The following POTEH variants were observed in gnomAD, a reference collection of about 807,000 sequenced individuals.
The protein encoded by POTEH is ANKRD26-like family C member 3.
In POTEH, 6 loss-of-function variants were observed where a neutral mutation model predicts 41.7. That is an observed-to-expected ratio of 0.14 (90% CI 0.08 to 0.28). The LOEUF (loss-of-function observed/expected upper bound fraction) is 0.28, where lower values mean the gene tolerates loss of function less well. Among genes scored for constraint, POTEH ranks in the 10% least tolerant of loss-of-function variants. POTEH has a pLI of 1.00. For synonymous variants in POTEH, 38 were observed against 179.9 expected, an observed-to-expected ratio of 0.21 and a Z score of 6.31; for missense variants, 115 against 533.5, an observed-to-expected ratio of 0.22 and a Z score of 7.73.
Position 15,712,894 on chromosome 22 carries a change from G to T in POTEH, c.1520+1860G>T, listed in dbSNP as rs931145105. ...ATGTATAAGCATGAATGAACAAAAT[G>T]ATAATCAGCTTATGTGATCTAGAAA... On this transcript the variant is annotated intron_variant, in intron 9 of 10. Transcript: ENST00000343518. Among the ~76,000 whole-genome samples the T allele has an allele frequency of 1.3e-5, 2 of 148,304 alleles. 1 individual carries two copies. The highest frequency in any genetic ancestry group is 5.0e-5 in the African/African-American group (2 of 39,858).
chr22:15,718,839 A>ATC (rs1350107863), intron 9 of POTEH, among the ~76,000 whole-genome samples: 2 of 149,732 alleles, frequency 1.3e-5, no homozygotes, highest in African/African-American at 2.5e-5. Context: ...TTTATTTCAC[A>ATC]TCTCTCTCTC....
chr22:15,698,987 GT>G (rs574549883), intron 4 of POTEH, among the ~76,000 whole-genome samples: 222 of 150,266 alleles, frequency 1.5e-3, no homozygotes, highest in African/African-American at 5.3e-3. Context: ...GCTATGTAAT[GT>G]TTTTGGTTAC....
At chr22:15,692,691 G>A (rs1989351222) in intron 1 of POTEH, among the ~76,000 whole-genome samples, 4 of 119,972 alleles carry the variant, frequency 3.3e-5, no homozygotes, top group African/African-American at 6.1e-5. Flanking sequence ...GGAGGTGGAG[G>A]TTGCAGTGAG....
At chr22:15,713,443 C>G (rs2818569) in intron 9 of POTEH, among the ~76,000 whole-genome samples, 4 of 152,172 alleles carry the variant, frequency 2.6e-5, no homozygotes, top group African/African-American at 9.7e-5. Flanking sequence ...TCCTCCTCAT[C>G]TTTCTCCTTT....
In POTEH at chr22:15,712,810, G is replaced by A. The variant is rs1300946353; in HGVS notation, c.1520+1776G>A. Among the ~76,000 whole-genome samples the A allele has an allele frequency of 2.9e-5, 4 of 140,198 alleles. No individual in the cohort carries two copies. In the Admixed American group the frequency reaches 2.9e-4, roughly 10 times the overall value. The allele number at this position is 140,198 out of a possible 152,430, so 92.0% of individuals were successfully genotyped here. A position where few individuals can be genotyped will look rare whatever the true frequency, so the allele number is the denominator to read the frequency against. ...ATGAGTGTCAACTGTCCTAGAATTGGCTGATTTTTATCAAGCAAGAAATAT... is the reference window on the plus strand; with the variant it reads ...ATGAGTGTCAACTGTCCTAGAATTGACTGATTTTTATCAAGCAAGAAATAT... On this transcript the variant is annotated intron_variant, in intron 9 of 10. Coordinates refer to ENST00000343518, the MANE Select transcript of POTEH (RefSeq NM_001136213.1).
intron 6 of POTEH, among the ~76,000 whole-genome samples, chr22:15,703,685 C>T (rs1386295087): frequency 6.7e-6 from 1 of 149,320 alleles, no homozygotes; most frequent in African/African-American, 2.5e-5. Flanking sequence ...ATTGTAGACA[C>T]CTAATACACT....
At chr22:15,697,809 C>T (rs1989463813) in intron 3 of POTEH, among the ~76,000 whole-genome samples, 2 of 149,326 alleles carry the variant, frequency 1.3e-5, no homozygotes, top group Non-Finnish European at 1.5e-5. Context: ...TGTGAGCAGT[C>T]TTTCAATAAG....
At chr22:15,705,474 A>G (rs572525429) in intron 6 of POTEH, among the ~76,000 whole-genome samples, 2 of 152,222 alleles carry the variant, frequency 1.3e-5, no homozygotes, top group African/African-American at 4.8e-5. Flanking sequence ...CATTTTGTAA[A>G]TGTTCATGTT....
At chr22:15,702,430 T>A (rs8137362) in intron 5 of POTEH, among the ~76,000 whole-genome samples, 46 of 108,378 alleles carry the variant, frequency 4.2e-4, no homozygotes, top group African/African-American at 1.2e-3. Flanking sequence ...CACTTTCTAT[T>A]ATGTCAGGTT....
At chr22:15,697,509 ATTTTT>A (rs1298541357) in intron 3 of POTEH, 1 of 120,704 alleles carries the variant, frequency 8.3e-6, no homozygotes, top group Non-Finnish European at 1.4e-5. Context: ...TTTTATTTTT[ATTTTT>A]ATTTTTATTT....
chr22:15,702,264 TA>T (rs1319254112), intron 5 of POTEH, among the ~76,000 whole-genome samples: 1 of 120,280 alleles, frequency 8.3e-6, no homozygotes, highest in Non-Finnish European at 1.7e-5. Flanking sequence ...TCTCAGCATT[TA>T]AAAAATGTGA....
chr22:15,708,513 C>CA (rs1165699401), intron 7 of POTEH, among the ~76,000 whole-genome samples: 446 of 7,212 alleles, frequency 0.062, 39 homozygotes, highest in Middle Eastern at 0.14. Context: ...GACTCTGTGT[C>CA]AAAAAAAAAA....
At chr22:15,705,610 T>C (rs1336278783) in intron 6 of POTEH, among the ~76,000 whole-genome samples, 33 of 147,452 alleles carry the variant, frequency 2.2e-4, no homozygotes, top group Admixed American at 2.0e-3. Context: ...GGTTTCCAGG[T>C]TGTACACTAG....
At chr22:15,691,250 G>A (rs1165960753) in intron 1 of POTEH, among the ~76,000 whole-genome samples, 3 of 141,050 alleles carry the variant, frequency 2.1e-5, no homozygotes, top group East Asian at 2.0e-4. Context: ...TTGGCTGGGC[G>A]TGGTGGCTCA....
At position 15,717,296 on chromosome 22, in the gene POTEH, GT is replaced by G. The variant is rs1989926779; in HGVS notation, c.1521-2360del. Among the ~76,000 whole-genome samples the G allele has an allele frequency of 2.2e-5, 2 of 92,160 alleles. 1 individual carries two copies. Among genetic ancestry groups the G allele is most frequent in the Non-Finnish European group, 4.8e-5 (2 of 41,598 alleles). The allele number at this position is 92,160 out of a possible 152,430, so 60.5% of individuals were successfully genotyped here. On this transcript the variant is annotated intron_variant, in intron 9 of 10. Transcript: ENST00000343518. ...TCTTTGTGAGAGTACGATTTCTTTTGTTTTGTGTAGCTATCCAGAAATGAGA... is the reference window on the plus strand; with the variant it reads ...TCTTTGTGAGAGTACGATTTCTTTTGTTTGTGTAGCTATCCAGAAATGAGA...
intron 6 of POTEH, among the ~76,000 whole-genome samples, chr22:15,703,943 C>G (rs1168738018): frequency 1.4e-5 from 2 of 148,104 alleles, no homozygotes; most frequent in African/African-American, 5.0e-5. Flanking sequence ...TAGATACTAG[C>G]CATTTTTTCT....
At chr22:15,702,528 A>G in intron 5 of POTEH, among the ~76,000 whole-genome samples, 158 bp from the exon 6 acceptor site, 1 of 145,620 alleles carries the variant, frequency 6.9e-6, no homozygotes, top group Non-Finnish European at 1.5e-5. Context: ...AAGCTTAAAG[A>G]GAAGTTTGCA....
chr22:15,714,374 T>G (rs1229881912), intron 9 of POTEH, among the ~76,000 whole-genome samples: 1 of 152,312 alleles, frequency 6.6e-6, no homozygotes, highest in East Asian at 1.9e-4. Context: ...CATTTCACGC[T>G]AAGTATGTGT....
At chr22:15,717,884 G>GT in intron 9 of POTEH, among the ~76,000 whole-genome samples, 1 of 142,052 alleles carries the variant, frequency 7.0e-6, no homozygotes, top group South Asian at 2.4e-4. Context: ...ATGTTTTCAG[G>GT]TCTTAGGTTT....
Sources: gnomAD v4.1 joint callset for allele counts (sites outside exome capture counted in the v4.1 genomes callset) on GRCh38, gnomAD v4.1.1 for gene constraint, MANE v1.5 for transcripts, NCBI Gene and HGNC (gene_info 2026-07-23, HGNC 2026-07-21) for gene names.